Variants in L3MBTL4 observed in about 807,000 individuals in gnomAD.
L3MBTL4 encodes lethal(3)malignant brain tumor-like protein 4.
Under a neutral mutation model 84.5 loss-of-function variants are expected in L3MBTL4, and 70 were observed. That is an observed-to-expected ratio of 0.83 (90% CI 0.68 to 1.01). L3MBTL4 has a LOEUF of 1.01. L3MBTL4 is among the 50% of genes least tolerant of loss of function. The pLI, the probability that L3MBTL4 is intolerant of heterozygous loss-of-function variation, is 0.00. For missense variants in L3MBTL4, 715 were observed against 754.8 expected (o/e 0.95, Z 0.62); for synonymous variants, 274 against 259.8 (o/e 1.05, Z -0.52).
At position 6,115,636 on chromosome 18, in the gene L3MBTL4, C is replaced by A. The variant is rs186030146; in HGVS notation, c.1200-22108G>T. 2.4e-4 allele frequency among the ~76,000 whole-genome samples: 37 copies of A among 152,200 alleles called. 1 individual carries two copies. Among genetic ancestry groups the A allele is most frequent in the Admixed American group, 1.7e-3 (26 of 15,294 alleles). ...TGTGCCAGAGGTGTCTATCAGAAGC[C>A]GAGCACATTTAAATGTGTCTGAAGC... On this transcript the variant is annotated intron_variant, in intron 14 of 18. Coordinates refer to ENST00000317931, the MANE Select transcript of L3MBTL4 (RefSeq NM_001330559.2).
rs1212274941 is a variant in L3MBTL4, at chr18:6,408,640, AC to A, written c.-91+6160del. On this transcript the variant is annotated intron_variant, in intron 1 of 18. Transcript: ENST00000317931. Reference sequence around the variant, plus strand: ...TAAGGGGATTTTCTCACTATTTCTCACAGTAGACAAATACCTATGTCCAGTT... The same window carrying A: ...TAAGGGGATTTTCTCACTATTTCTCAAGTAGACAAATACCTATGTCCAGTT... Among the ~76,000 whole-genome samples the A allele has an allele frequency of 5.9e-5, 9 of 151,616 alleles. 3 individuals are homozygous for A. The highest frequency in any genetic ancestry group is 2.2e-4 in the African/African-American group (9 of 41,360).
chr18:6,241,269 A>T, intron 8 of L3MBTL4, 89 bp downstream of exon 8: 1 of 778,724 alleles, frequency 1.3e-6, no homozygotes, highest in South Asian at 1.6e-5. Flanking sequence ...AACTTCTTAA[A>T]GGATTAAAAT....
chr18:6,241,047 A>G (rs891216658), intron 8 of L3MBTL4, among the ~76,000 whole-genome samples: 5 of 152,254 alleles, frequency 3.3e-5, no homozygotes, highest in African/African-American at 1.2e-4. Flanking sequence ...ACCAAAAGCA[A>G]GATTAAAGGA....
intron 16 of L3MBTL4, among the ~76,000 whole-genome samples, chr18:6,069,696 G>A (rs955370949): frequency 6.6e-6 from 1 of 152,136 alleles, no homozygotes; most frequent in East Asian, 1.9e-4. Context: ...TAGTGGGGAG[G>A]AGCAGGCAGC....
chr18:6,194,775 T>C (rs951209448), intron 12 of L3MBTL4, among the ~76,000 whole-genome samples: 1 of 152,186 alleles, frequency 6.6e-6, no homozygotes, highest in Non-Finnish European at 1.5e-5. Flanking sequence ...AGGAAAGGCA[T>C]GGCAGCATCC....
chr18:6,300,900 A>G (rs968507870), intron 4 of L3MBTL4, among the ~76,000 whole-genome samples: 2 of 152,228 alleles, frequency 1.3e-5, no homozygotes, highest in Non-Finnish European at 2.9e-5. Context: ...ATCAAGTTAT[A>G]TAATTATCAA....
intron 10 of L3MBTL4, among the ~76,000 whole-genome samples, 175 bp downstream of exon 10, chr18:6,237,789 A>C (rs2047278299): frequency 6.6e-6 from 1 of 152,154 alleles, no homozygotes; most frequent in Admixed American, 6.5e-5. Context: ...GTTCGTCTTC[A>C]TTATGGGTAA....
intron 14 of L3MBTL4, among the ~76,000 whole-genome samples, chr18:6,120,829 T>A (rs577449460): frequency 6.6e-6 from 1 of 152,286 alleles, no homozygotes; most frequent in African/African-American, 2.4e-5. Context: ...CAGTACAGCA[T>A]CCCACTGTGT....
At chr18:6,060,171 C>A (rs2057159061) in intron 16 of L3MBTL4, among the ~76,000 whole-genome samples, 1 of 151,964 alleles carries the variant, frequency 6.6e-6, no homozygotes, top group South Asian at 2.1e-4. Flanking sequence ...TCTCATTATG[C>A]CATCAGTTTC....
chr18:6,136,862 C>A (rs1316792492), intron 14 of L3MBTL4, among the ~76,000 whole-genome samples: 3 of 152,192 alleles, frequency 2.0e-5, no homozygotes, highest in East Asian at 3.8e-4. Context: ...AACTTGGACA[C>A]CCTCCACCAG....
intron 14 of L3MBTL4, among the ~76,000 whole-genome samples, chr18:6,105,937 A>C (rs1194789440): frequency 6.6e-6 from 1 of 152,214 alleles, no homozygotes; most frequent in Non-Finnish European, 1.5e-5. Flanking sequence ...CAACTTGATT[A>C]GTCTAATATT....
At chr18:6,264,451 C>T (rs761397770) in intron 4 of L3MBTL4, among the ~76,000 whole-genome samples, 2 of 152,152 alleles carry the variant, frequency 1.3e-5, no homozygotes, top group Non-Finnish European at 2.9e-5. Flanking sequence ...ATTGGCACAA[C>T]CTGTGGAAAG....
At chr18:6,117,036 A>T (rs902849168) in intron 14 of L3MBTL4, among the ~76,000 whole-genome samples, 2 of 152,136 alleles carry the variant, frequency 1.3e-5, no homozygotes, top group African/African-American at 4.8e-5. Context: ...AGTAGTTTTC[A>T]CACAACGTGA....
chr18:6,049,433 A>G (rs1360920286), intron 16 of L3MBTL4, among the ~76,000 whole-genome samples: 1 of 152,236 alleles, frequency 6.6e-6, no homozygotes, highest in Non-Finnish European at 1.5e-5. Flanking sequence ...AAGTAGGCAA[A>G]ATGCATGAAC....
intron 16 of L3MBTL4, among the ~76,000 whole-genome samples, chr18:6,076,671 C>T (rs1022810768): frequency 3.9e-5 from 4 of 103,186 alleles, no homozygotes; most frequent in African/African-American, 1.0e-4. Flanking sequence ...TGATTCTGCA[C>T]TGGTAAAAAA....
intron 4 of L3MBTL4, among the ~76,000 whole-genome samples, chr18:6,267,852 C>T (rs1183919684): frequency 6.6e-6 from 1 of 152,128 alleles, no homozygotes; most frequent in Non-Finnish European, 1.5e-5. Context: ...TAACATCATG[C>T]CTGCAAGTGA....
intron 15 of L3MBTL4, among the ~76,000 whole-genome samples, chr18:6,084,706 A>T (rs1324658955): frequency 6.6e-6 from 1 of 152,232 alleles, no homozygotes; most frequent in East Asian, 1.9e-4. Flanking sequence ...CAGATTCTAC[A>T]CAAAGCAGAC....
intron 1 of L3MBTL4, among the ~76,000 whole-genome samples, chr18:6,332,869 AAGC>A (rs1340223042): frequency 6.6e-6 from 1 of 152,234 alleles, no homozygotes; most frequent in African/African-American, 2.4e-5. Context: ...GAAAGCTAGA[AAGC>A]AGCAGTAGCA....
chr18:6,107,921 A>ACCTTGTTTACTTTGCC (rs2059063835), intron 14 of L3MBTL4, among the ~76,000 whole-genome samples: 1 of 151,980 alleles, frequency 6.6e-6, no homozygotes, highest in African/African-American at 2.4e-5. Flanking sequence ...TTTACTTTGT[A>ACCTTGTTTACTTTGCC]CCTTGTTTAC....
Sources: allele counts gnomAD v4.1 joint callset (sites outside exome capture counted in the v4.1 genomes callset), GRCh38; gene constraint gnomAD v4.1.1; transcripts MANE v1.5; gene names NCBI Gene and HGNC (gene_info 2026-07-23, HGNC 2026-07-21).